The following TOX variants were observed in gnomAD, a reference collection of about 807,000 sequenced individuals.
The protein encoded by TOX is thymocyte selection-associated high mobility group box protein TOX.
Under a neutral mutation model 53.7 loss-of-function variants are expected in TOX, and 11 were observed. The ratio of observed to expected loss-of-function variants is 0.20; its 90% confidence interval spans 0.13 to 0.34. The LOEUF is 0.34. TOX is among the 10% of genes least tolerant of loss of function. The probability of loss-of-function intolerance (pLI) is 1.00; values close to 1 mark genes in which losing one functional copy is unlikely to be tolerated. For synonymous variants in TOX, 225 were observed against 245.3 expected, an observed-to-expected ratio of 0.92 and a Z score of 0.77; for missense variants, 570 against 664.6, an observed-to-expected ratio of 0.86 and a Z score of 1.56.
At chr8:58,826,996 C>T in intron 5 of TOX, 94 bp from the exon 6 acceptor site, 1 of 711,222 alleles carries the variant, frequency 1.4e-6, no homozygotes, top group Non-Finnish European at 2.1e-6. Flanking sequence ...CACACAAACA[C>T]ACTTATAGTT....
chr8:58,886,138 G>A (rs1348521000), intron 3 of TOX, among the ~76,000 whole-genome samples: 2 of 152,068 alleles, frequency 1.3e-5, no homozygotes, highest in East Asian at 3.8e-4. Flanking sequence ...GGAGAGAACA[G>A]TCTTTTTACC....
intron 1 of TOX, among the ~76,000 whole-genome samples, chr8:59,048,897 G>T (rs1189257722): frequency 1.3e-5 from 2 of 152,004 alleles, no homozygotes; most frequent in Non-Finnish European, 1.5e-5. Context: ...ATATAAGTAT[G>T]TATAAGCATA....
chr8:59,116,105 T>C (rs567140246), intron 1 of TOX, among the ~76,000 whole-genome samples: 1 of 152,338 alleles, frequency 6.6e-6, no homozygotes, highest in South Asian at 2.1e-4. Context: ...AAACTGTAGC[T>C]ACAGTTGTAG....
At chr8:58,808,292 A>C (rs1406088880) in intron 7 of TOX, 23 bp from the exon 8 acceptor site, 5 of 1,592,820 alleles carry the variant, frequency 3.1e-6, no homozygotes, top group Non-Finnish European at 4.3e-6. Flanking sequence ...GCAAGTCCGC[A>C]AATAAGGATC....
chr8:58,863,386 G>A (rs999455317), intron 3 of TOX, among the ~76,000 whole-genome samples: 4 of 152,150 alleles, frequency 2.6e-5, no homozygotes, highest in South Asian at 4.2e-4. Flanking sequence ...TACTAAGCAC[G>A]GTACTAAGAA....
intron 3 of TOX, among the ~76,000 whole-genome samples, chr8:58,893,724 CTT>C (rs1280230911): frequency 6.6e-6 from 1 of 152,184 alleles, no homozygotes; most frequent in African/African-American, 2.4e-5. Context: ...CCTAAGTTGA[CTT>C]TACATAGAAG....
At chr8:58,853,136 T>C (rs1287406205) in intron 3 of TOX, among the ~76,000 whole-genome samples, 1 of 152,200 alleles carries the variant, frequency 6.6e-6, no homozygotes, top group African/African-American at 2.4e-5. Context: ...GCCTCCACCA[T>C]GAGGCCTCTT....
At chr8:58,876,216 C>T (rs908860197) in intron 3 of TOX, among the ~76,000 whole-genome samples, 1 of 151,538 alleles carries the variant, frequency 6.6e-6, no homozygotes, top group Admixed American at 6.6e-5. Context: ...TATGTATTAT[C>T]AAATGGAAAT....
Position 58,815,659 on chromosome 8 carries a change from C to G in TOX, c.1071G>C (p.Ser357=). 6.2e-7 allele frequency: 1 copy of G among 1,614,002 alleles called. No homozygotes were observed. Among genetic ancestry groups the G allele is most frequent in the Non-Finnish European group, 8.5e-7 (1 of 1,179,962 alleles). The change falls in exon 7 of 9, where the codon TCG becomes TCC. Residue 357 remains serine (S), a synonymous_variant. Coordinates refer to ENST00000361421, the MANE Select transcript of TOX (RefSeq NM_014729.3). ...GGGCCTGGCTGGGCCCATGGAACAC[C>G]GACGGCTTCGAATTGATCAGCTGAG... ...QPPQLINSKP[S]VFHGPSQAHS... is the part of the protein sequence containing the mutation.
At chr8:59,110,538 A>G (rs1369468481) in intron 1 of TOX, among the ~76,000 whole-genome samples, 1 of 152,144 alleles carries the variant, frequency 6.6e-6, no homozygotes, top group African/African-American at 2.4e-5. Flanking sequence ...TATATTTCAC[A>G]TCTCTGACCC....
intron 1 of TOX, among the ~76,000 whole-genome samples, chr8:59,060,864 G>C (rs1044904107): frequency 6.6e-6 from 1 of 152,136 alleles, no homozygotes; most frequent in Non-Finnish European, 1.5e-5. Flanking sequence ...GTTGTTTGGT[G>C]CCCTTTATAT....
intron 5 of TOX, among the ~76,000 whole-genome samples, chr8:58,835,149 A>AT (rs1810524938): frequency 6.6e-6 from 1 of 152,206 alleles, no homozygotes; most frequent in Non-Finnish European, 1.5e-5. Context: ...CTATTATATA[A>AT]TTTTATCCTT....
intron 1 of TOX, among the ~76,000 whole-genome samples, chr8:59,060,590 G>A (rs1457999749): frequency 6.6e-6 from 1 of 152,178 alleles, no homozygotes; most frequent in Non-Finnish European, 1.5e-5. Flanking sequence ...TCACACCACT[G>A]CACTCCAGCC....
chr8:59,072,636 C>T (rs2129422686), intron 1 of TOX, among the ~76,000 whole-genome samples: 1 of 152,258 alleles, frequency 6.6e-6, no homozygotes, highest in South Asian at 2.1e-4. Flanking sequence ...CTACTGAGAC[C>T]TTTGTAGACC....
chr8:58,955,600 A>G (rs1380370657), intron 2 of TOX, among the ~76,000 whole-genome samples: 1 of 152,206 alleles, frequency 6.6e-6, no homozygotes, highest in African/African-American at 2.4e-5. Flanking sequence ...TCTTGTATTA[A>G]AAAGACCAGT....
chr8:59,107,046 T>TGGC (rs1453139633), intron 1 of TOX, among the ~76,000 whole-genome samples: 1 of 58,206 alleles, frequency 1.7e-5, no homozygotes, highest in African/African-American at 9.9e-5. Flanking sequence ...AGCAGTTTGC[T>TGGC]GGGGGGGGGG....
intron 1 of TOX, among the ~76,000 whole-genome samples, chr8:59,061,159 G>A (rs1470709851): frequency 1.3e-5 from 2 of 152,132 alleles, no homozygotes. Context: ...AACAGAACAT[G>A]TTTACAAAAT....
At position 58,851,464 on chromosome 8, in the gene TOX, AG is replaced by A; in HGVS notation, c.693+59del. ...GATGATATAAACTTGTACCCAGCACAGGTCAAAGAAGGTGCCTAAGAATAGT... is the reference window on the plus strand; with the variant it reads ...GATGATATAAACTTGTACCCAGCACAGTCAAAGAAGGTGCCTAAGAATAGT... On this transcript the variant is annotated intron_variant, in intron 4 of 8. Transcript: ENST00000361421. The surrounding 1 kb of genome is among the most constrained non-coding windows in gnomAD (Gnocchi z 4.4). 1 of 1,570,568 alleles carries A rather than the reference AG, an allele frequency of 6.4e-7. No homozygotes were observed. The highest frequency in any genetic ancestry group is 8.7e-7 in the Non-Finnish European group (1 of 1,149,836).
chr8:58,961,449 G>GT (rs1812794444), intron 1 of TOX, among the ~76,000 whole-genome samples: 1 of 152,054 alleles, frequency 6.6e-6, no homozygotes, highest in African/African-American at 2.4e-5. Context: ...AAAGCTGGGT[G>GT]TTTTGGTTGC....
Sources: allele counts gnomAD v4.1 joint callset (sites outside exome capture counted in the v4.1 genomes callset), GRCh38; gene constraint gnomAD v4.1.1; non-coding constraint Gnocchi (gnomAD v3.1); transcripts MANE v1.5; gene names NCBI Gene and HGNC (gene_info 2026-07-23, HGNC 2026-07-21).